Variants in PARP8 observed in about 807,000 individuals in gnomAD.
PARP8 encodes the protein poly(ADP-ribose) polymerase family member 8.
A neutral mutation model predicts 124.1 loss-of-function variants in PARP8; 51 were observed. The ratio of observed to expected loss-of-function variants is 0.41; its 90% confidence interval spans 0.33 to 0.52. The LOEUF is 0.52. Among genes scored for constraint, PARP8 ranks in the 20% least tolerant of loss-of-function variants. The pLI is 0.21. For missense variants in PARP8, 860 were observed against 1,018.9 expected, an observed-to-expected ratio of 0.84 and a Z score of 2.12; for synonymous variants, 391 against 361.5, an observed-to-expected ratio of 1.08 and a Z score of -0.93.
intron 2 of PARP8, among the ~76,000 whole-genome samples, chr5:50,682,785 T>C (rs1344577010): frequency 6.6e-6 from 1 of 152,154 alleles, no homozygotes; most frequent in Non-Finnish European, 1.5e-5. Flanking sequence ...ACTGATTGCT[T>C]AGCTGTGGAC....
intron 14 of PARP8, among the ~76,000 whole-genome samples, chr5:50,801,997 C>G (rs548646308): frequency 3.9e-5 from 6 of 152,198 alleles, no homozygotes; most frequent in African/African-American, 1.4e-4. Context: ...CTATTAATGT[C>G]TTTAAAACTA....
Position 50,706,151 on chromosome 5 carries a change from G to C in PARP8, c.146+38026G>C, listed in dbSNP as rs185045281. Among the ~76,000 whole-genome samples the C allele has an allele frequency of 3.3e-4, 50 of 152,118 alleles. 1 individual carries two copies. In the East Asian group the frequency reaches 7.2e-3, roughly 22 times the overall value. ...TAACTGATGTTATATTTTAAAATTG[G>C]TATCAGTGTTATATGTTAAATCATA... On this transcript the variant is annotated intron_variant, in intron 2 of 25. Coordinates refer to ENST00000281631, the MANE Select transcript of PARP8 (RefSeq NM_024615.4).
At chr5:50,813,267 G>A (rs924304015) in intron 14 of PARP8, among the ~76,000 whole-genome samples, 36 of 151,984 alleles carry the variant, frequency 2.4e-4, no homozygotes, top group East Asian at 3.9e-4. Flanking sequence ...CTTTTATTTC[G>A]TTGAGCAGTG....
chr5:50,708,204 A>T (rs981462498), intron 2 of PARP8, among the ~76,000 whole-genome samples: 1 of 152,044 alleles, frequency 6.6e-6, no homozygotes, highest in Non-Finnish European at 1.5e-5. Context: ...ATCAATAATG[A>T]ATTAGTTTTG....
chr5:50,795,352 C>G lies in PARP8; in HGVS notation c.1363C>G (p.Leu455Val). Reference protein sequence around the residue: ...FKEPNAEGRRLSLTSGLIGIL... With the variant: ...FKEPNAEGRRVSLTSGLIGIL... ...GGAACCTAACGCAGAGGGCAGGAGG[C>G]TCTCTCTTACCTCAGGGCTTATTGG... is the stretch of plus-strand genomic sequence containing the variant. Residue 455 changes from leucine to valine, a missense_variant, in exon 12 of 26, where the codon CTC (leucine) becomes GTC (valine). By Grantham distance (32) the Leu-to-Val change is conservative. This residue lies in a region of PARP8 where 517 missense variants were observed against 544.2 expected (regional missense o/e 0.95). Transcript: ENST00000281631. 1 of 1,614,046 alleles carries G rather than the reference C, an allele frequency of 6.2e-7. No homozygotes were observed. Among genetic ancestry groups the G allele is most frequent in the Non-Finnish European group, 8.5e-7 (1 of 1,179,956 alleles).
intron 2 of PARP8, among the ~76,000 whole-genome samples, chr5:50,676,088 T>C (rs1474975069): frequency 1.3e-5 from 2 of 152,232 alleles, no homozygotes; most frequent in Admixed American, 6.5e-5. Context: ...TATATATTAG[T>C]GTGCTTTATG....
intron 2 of PARP8, among the ~76,000 whole-genome samples, chr5:50,681,806 C>T (rs187435664): frequency 2.0e-5 from 3 of 152,144 alleles, no homozygotes; most frequent in Admixed American, 2.0e-4. Context: ...TGGTCAGGGG[C>T]ACTTCAAGCC....
chr5:50,833,876 T>G (rs77193939), intron 23 of PARP8, 103 bp from the exon 24 acceptor site: 2 of 787,916 alleles, frequency 2.5e-6, no homozygotes, highest in Non-Finnish European at 4.2e-6. Flanking sequence ...TTTTTTTTTT[T>G]GACCTGGAGC....
At chr5:50,708,675 A>T (rs1235997787) in intron 2 of PARP8, among the ~76,000 whole-genome samples, 2 of 148,684 alleles carry the variant, frequency 1.3e-5, no homozygotes, top group Non-Finnish European at 2.9e-5. Flanking sequence ...GAAATTTCAC[A>T]TTGATATGGC....
intron 3 of PARP8, 69 bp from the exon 4 acceptor site, chr5:50,759,574 T>C (rs1233545465): frequency 9.0e-6 from 13 of 1,451,510 alleles, no homozygotes; most frequent in Non-Finnish European, 1.1e-5. Context: ...ATAAATTAGC[T>C]ATTATTTTTG....
intron 2 of PARP8, among the ~76,000 whole-genome samples, chr5:50,697,077 G>A (rs772269105): frequency 2.6e-5 from 4 of 152,028 alleles, no homozygotes; most frequent in African/African-American, 9.7e-5. Context: ...GACCATCCTG[G>A]CCAACATAGT....
chr5:50,780,445 T>G (rs1740543408), intron 9 of PARP8, among the ~76,000 whole-genome samples: 1 of 152,236 alleles, frequency 6.6e-6, no homozygotes. Flanking sequence ...AAGATGATAC[T>G]GAAGCATGCT....
intron 10 of PARP8, among the ~76,000 whole-genome samples, chr5:50,789,011 C>T (rs1486729064): frequency 6.6e-6 from 1 of 152,144 alleles, no homozygotes; most frequent in Non-Finnish European, 1.5e-5. Context: ...CAGGCTGCAA[C>T]GTGTACATGA....
chr5:50,795,302 A>G lies in PARP8; in HGVS notation c.1313A>G (p.Lys438Arg), dbSNP rs558768871. ...LLSKSYSSAPKSSKTELFKEP... is the reference protein window; with the variant it reads ...LLSKSYSSAPRSSKTELFKEP... The stretch of plus-strand genomic sequence containing the variant: ...AGCAAGTCCTACTCCAGTGCCCCCA[A>G]GTCATCCAAAACTGAGCTTTTCAAG... Residue 438 changes from lysine to arginine, a missense_variant, in exon 12 of 26, where the codon AAG becomes AGG. Lys to Arg is a conservative substitution (Grantham distance 26). This residue lies in a region of PARP8 where 517 missense variants were observed against 544.2 expected (regional missense o/e 0.95). Coordinates refer to ENST00000281631, the MANE Select transcript of PARP8 (RefSeq NM_024615.4). 7 of 1,614,144 alleles carry G rather than the reference A, an allele frequency of 4.3e-6. No homozygotes were observed. The Admixed American group carries it at 1.2e-4, about 27-fold the overall frequency.
At chr5:50,715,203 A>G (rs1337046135) in intron 2 of PARP8, among the ~76,000 whole-genome samples, 1 of 152,022 alleles carries the variant, frequency 6.6e-6, no homozygotes, top group Non-Finnish European at 1.5e-5. Flanking sequence ...CCGCAGTGCA[A>G]AAGCGTCTCA....
At chr5:50,823,037 T>C (rs2149704392) in intron 17 of PARP8, among the ~76,000 whole-genome samples, 1 of 152,354 alleles carries the variant, frequency 6.6e-6, no homozygotes, top group Admixed American at 6.5e-5. Flanking sequence ...TTAAAACTTA[T>C]CATTGTAAGT....
intron 9 of PARP8, among the ~76,000 whole-genome samples, chr5:50,787,380 G>T (rs1337759915): frequency 6.6e-6 from 1 of 152,084 alleles, no homozygotes. Flanking sequence ...GCTGTTCCTA[G>T]GATATTTCAG....
At chr5:50,840,011 G>A (rs992110088) in intron 25 of PARP8, among the ~76,000 whole-genome samples, 6 of 151,816 alleles carry the variant, frequency 4.0e-5, no homozygotes, top group African/African-American at 1.5e-4. Context: ...TATCGCTTTT[G>A]CAGGGTGGAG....
At chr5:50,755,423 T>A (rs1354900339) in intron 3 of PARP8, among the ~76,000 whole-genome samples, 1 of 152,218 alleles carries the variant, frequency 6.6e-6, no homozygotes, top group Non-Finnish European at 1.5e-5. Flanking sequence ...CCCAGCACCA[T>A]TTGTTAAATA....
Sources: allele counts gnomAD v4.1 joint callset (sites outside exome capture counted in the v4.1 genomes callset), GRCh38; gene constraint gnomAD v4.1.1; regional missense constraint gnomAD v4.1.1; transcripts MANE v1.5; gene names NCBI Gene and HGNC (gene_info 2026-07-23, HGNC 2026-07-21).